Variants in KCNU1 observed in about 807,000 individuals in gnomAD.
KCNU1 encodes the protein potassium channel subfamily U member 1.
A neutral mutation model predicts 126.8 loss-of-function variants in KCNU1; 93 were observed. The ratio of observed to expected loss-of-function variants is 0.73; its 90% CI spans 0.62 to 0.87. KCNU1 has a LOEUF of 0.87. Ranked by LOEUF, KCNU1 falls within the 40% of genes least tolerant of loss-of-function variation. The pLI, the probability that KCNU1 is intolerant of heterozygous loss-of-function variation, is 0.00. For missense variants in KCNU1, 1,330 were observed against 1,367.1 expected, an observed-to-expected ratio of 0.97 and a Z score of 0.43; for synonymous variants, 523 against 494.2, an observed-to-expected ratio of 1.06 and a Z score of -0.77.
intron 10 of KCNU1, among the ~76,000 whole-genome samples, chr8:36,822,583 T>C (rs1360665618): frequency 1.3e-5 from 2 of 152,226 alleles, no homozygotes; most frequent in Non-Finnish European, 2.9e-5. Flanking sequence ...TGTTTATTGC[T>C]TGAACAAAGC....
chr8:36,922,916 A>G (rs767058488), intron 24 of KCNU1: 1 of 543,502 alleles, frequency 1.8e-6, no homozygotes, highest in Non-Finnish European at 3.5e-6. Flanking sequence ...ATCGCTGCAG[A>G]CCAGGTCCCT....
chr8:36,796,048 A>T (rs1803085389), intron 2 of KCNU1, among the ~76,000 whole-genome samples: 1 of 152,190 alleles, frequency 6.6e-6, no homozygotes, highest in African/African-American at 2.4e-5. Context: ...CTTTGGCTAT[A>T]TCTCAGAGAC....
At chr8:36,826,294 C>T (rs1235461158) in intron 10 of KCNU1, among the ~76,000 whole-genome samples, 1 of 152,052 alleles carries the variant, frequency 6.6e-6, no homozygotes, top group Non-Finnish European at 1.5e-5. Context: ...ACTGCAACCT[C>T]TGCCTCCCGG....
intron 18 of KCNU1, among the ~76,000 whole-genome samples, chr8:36,850,693 G>A (rs995752072): frequency 1.1e-4 from 17 of 152,300 alleles, no homozygotes; most frequent in Admixed American, 1.3e-4. Context: ...CTAGGCTTAA[G>A]TGAGCCACCT....
chr8:36,791,332 C>T (rs1802893807), intron 2 of KCNU1, among the ~76,000 whole-genome samples: 1 of 152,130 alleles, frequency 6.6e-6, no homozygotes, highest in South Asian at 2.1e-4. Context: ...ACATAACTGA[C>T]TGTGTTTCTC....
Position 36,864,518 on chromosome 8 carries a change from C to T in KCNU1, c.2006C>T (p.Thr669Ile). Reference sequence around the variant, plus strand: ...ACTTCGAGCATATCAAACTTCACCACCAGGTAAAAGCTGCAGAGAACCCTG... The same window carrying T: ...ACTTCGAGCATATCAAACTTCACCATCAGGTAAAAGCTGCAGAGAACCCTG... Reference protein sequence around the residue: ...ASTSSISNFTTRTLQHDVEQD... With the variant: ...ASTSSISNFTIRTLQHDVEQD... The change falls in exon 19 of 27, where the codon ACC (threonine) becomes ATC (isoleucine). Residue 669 changes from threonine (T) to isoleucine (I), a missense_variant. By Grantham distance (89) the Thr-to-Ile change is moderately conservative. Around this residue, in one of 3 missense-constraint regions of KCNU1, gnomAD observed 1,054 missense variants for 1,053.9 expected, o/e 1.00. Coordinates refer to ENST00000399881, the MANE Select transcript of KCNU1 (RefSeq NM_001031836.3). 6.3e-7 allele frequency: 1 copy of T among 1,590,814 alleles called. No homozygotes were observed.
rs1563284596 is a variant in KCNU1, at chr8:36,834,823, CTTTGTGCAG to C, written c.1252_1260del (p.Leu418_Ser420del). 6.2e-7 allele frequency: 1 copy of C among 1,612,338 alleles called. No homozygotes were observed. The highest frequency in any genetic ancestry group is 1.1e-5 in the South Asian group (1 of 90,788). On this transcript the variant is annotated inframe_deletion, in exon 12 of 27. Coordinates refer to ENST00000399881, the MANE Select transcript of KCNU1 (RefSeq NM_001031836.3). ...GAGGCATGCCTGATTATAGCCAATC[CTTTGTGCAG>C]TGATTCCCATGCTGAAGATATTTCC... is the stretch of plus-strand genomic sequence containing the variant.
intron 18 of KCNU1, among the ~76,000 whole-genome samples, chr8:36,858,951 C>T (rs1473887075): frequency 1.3e-5 from 2 of 152,128 alleles, no homozygotes; most frequent in Non-Finnish European, 2.9e-5. Flanking sequence ...ATACTGATCC[C>T]CAATCACCAG....
At chr8:36,907,376 G>C (rs917316460) in intron 20 of KCNU1, among the ~76,000 whole-genome samples, 1 of 152,104 alleles carries the variant, frequency 6.6e-6, no homozygotes, top group Non-Finnish European at 1.5e-5. Flanking sequence ...TAATGCACTT[G>C]GCCATGTATC....
intron 10 of KCNU1, among the ~76,000 whole-genome samples, chr8:36,833,083 G>A (rs1003127116): frequency 1.2e-4 from 19 of 152,074 alleles, no homozygotes; most frequent in African/African-American, 2.2e-4. Context: ...GAAAAATACC[G>A]TTTTGATAAA....
intron 1 of KCNU1, among the ~76,000 whole-genome samples, chr8:36,785,767 T>TA (rs553492335): frequency 4.1e-4 from 63 of 152,302 alleles, no homozygotes; most frequent in African/African-American, 1.5e-3. Context: ...TAAATCTTCT[T>TA]AGTCTTCTGC....
In KCNU1 at chr8:36,909,451, G is replaced by A. The variant is rs750016225; in HGVS notation, c.2247G>A (p.Lys749=). 9 of 1,613,540 alleles carry A rather than the reference G, an allele frequency of 5.6e-6. No homozygotes were observed. The highest frequency in any genetic ancestry group is 3.3e-5 in the Admixed American group (2 of 59,994). Residue 749 remains lysine, a synonymous_variant, in exon 21 of 27, where the codon AAG becomes AAA. Coordinates refer to ENST00000399881, the MANE Select transcript of KCNU1 (RefSeq NM_001031836.3). ...RASNYTRKEL[K]DIVFIGSLDY... ...GCAACTATACCAGGAAGGAGCTGAA[G>A]GACATAGTGTTCATTGGGTCTCTGG...
At chr8:36,807,710 T>C (rs532539218) in intron 6 of KCNU1, among the ~76,000 whole-genome samples, 1 of 151,046 alleles carries the variant, frequency 6.6e-6, no homozygotes, top group African/African-American at 2.4e-5. Flanking sequence ...ATTTAGGTTT[T>C]AATTCTAGGT....
At chr8:36,815,826 G>T in intron 9 of KCNU1, 139 bp downstream of exon 9, 1 of 578,584 alleles carries the variant, frequency 1.7e-6, no homozygotes, top group Non-Finnish European at 3.1e-6. Context: ...CACTAAAAAG[G>T]ACTGTGCTAA....
intron 10 of KCNU1, 103 bp downstream of exon 10, chr8:36,817,863 T>A: frequency 1.6e-6 from 1 of 607,834 alleles, no homozygotes; most frequent in Non-Finnish European, 3.0e-6. Context: ...ATAGAAAAAG[T>A]AGGTATTGAT....
chr8:36,823,926 C>T (rs896097040), intron 10 of KCNU1, among the ~76,000 whole-genome samples: 1 of 151,438 alleles, frequency 6.6e-6, no homozygotes, highest in South Asian at 2.1e-4. Flanking sequence ...CAACCTCCGC[C>T]TCCCAGATTC....
chr8:36,881,747 A>G (rs1045157502), intron 19 of KCNU1, among the ~76,000 whole-genome samples: 3 of 151,836 alleles, frequency 2.0e-5, no homozygotes, highest in Non-Finnish European at 4.4e-5. Flanking sequence ...AAATGTGGAT[A>G]AAAATATTTT....
At chr8:36,876,298 A>C (rs1157839077) in intron 19 of KCNU1, among the ~76,000 whole-genome samples, 1 of 152,150 alleles carries the variant, frequency 6.6e-6, no homozygotes, top group African/African-American at 2.4e-5. Context: ...GCTAATTGGG[A>C]AAGATTTGGG....
At chr8:36,803,835 A>G (rs1410991378) in intron 2 of KCNU1, among the ~76,000 whole-genome samples, 192 bp from the exon 3 acceptor site, 2 of 152,194 alleles carry the variant, frequency 1.3e-5, no homozygotes, top group Non-Finnish European at 2.9e-5. Flanking sequence ...TTTAATACTC[A>G]GAAAAGGTCC....
Sources: gnomAD v4.1 joint callset for allele counts (sites outside exome capture counted in the v4.1 genomes callset) on GRCh38, gnomAD v4.1.1 for gene constraint, gnomAD v4.1.1 regional missense constraint, MANE v1.5 for transcripts, NCBI Gene and HGNC (gene_info 2026-07-23, HGNC 2026-07-21) for gene names.